COLEC12: variants seen among roughly 807,000 people sequenced by gnomAD.
COLEC12 encodes collectin subfamily member 12.
A neutral mutation model predicts 71.1 loss-of-function variants in COLEC12; 33 were observed. The ratio of observed to expected loss-of-function variants is 0.46; its 90% CI spans 0.35 to 0.62. The LOEUF (loss-of-function observed/expected upper bound fraction) is 0.62, where lower values mean the gene tolerates loss of function less well. Ranked by LOEUF, COLEC12 falls within the 20% of genes least tolerant of loss-of-function variation. The probability of loss-of-function intolerance (pLI) is 0.00; values close to 1 mark genes in which losing one functional copy is unlikely to be tolerated. For synonymous variants in COLEC12, 350 were observed against 353.0 expected (o/e 0.99, Z 0.10); for missense variants, 765 against 916.1 (o/e 0.84, Z 2.13).
intron 2 of COLEC12, among the ~76,000 whole-genome samples, chr18:397,078 C>T (rs1292473338): frequency 6.6e-6 from 1 of 152,322 alleles, no homozygotes; most frequent in East Asian, 1.9e-4. Context: ...TCTACTTTCC[C>T]TGGATCCTTC....
At chr18:371,008 C>T (rs1351447369) in intron 2 of COLEC12, among the ~76,000 whole-genome samples, 1 of 152,216 alleles carries the variant, frequency 6.6e-6, no homozygotes, top group Admixed American at 6.5e-5. Flanking sequence ...ACAATGAAGT[C>T]TGGACTTCAC....
chr18:436,339 C>T (rs780322782), intron 2 of COLEC12, among the ~76,000 whole-genome samples: 3 of 151,964 alleles, frequency 2.0e-5, no homozygotes, highest in African/African-American at 4.8e-5. Context: ...GGTGAAACCC[C>T]GTCTCTAATA....
chr18:357,720 G>A (rs1914659535), intron 2 of COLEC12, among the ~76,000 whole-genome samples, 198 bp from the exon 3 acceptor site: 6 of 152,210 alleles, frequency 3.9e-5, no homozygotes. Flanking sequence ...TGTTATAGCT[G>A]TATTTAATAT....
chr18:366,431 T>G (rs1914857954), intron 2 of COLEC12, among the ~76,000 whole-genome samples: 1 of 152,218 alleles, frequency 6.6e-6, no homozygotes, highest in Non-Finnish European at 1.5e-5. Context: ...ACTAACTAAC[T>G]TCCTTTGTGC....
At chr18:417,770 T>C (rs73356579) in intron 2 of COLEC12, among the ~76,000 whole-genome samples, 2,312 of 152,334 alleles carry the variant, frequency 0.015, 65 homozygotes, top group African/African-American at 0.053. Context: ...GCAACTGATT[T>C]CACATGCATC....
chr18:423,253 A>C (rs531053911), intron 2 of COLEC12, among the ~76,000 whole-genome samples: 172 of 152,338 alleles, frequency 1.1e-3, no homozygotes, highest in African/African-American at 3.9e-3. Context: ...TGGACAAGAG[A>C]GTGAGATCCT....
At chr18:378,015 C>T (rs1915150724) in intron 2 of COLEC12, among the ~76,000 whole-genome samples, 1 of 152,154 alleles carries the variant, frequency 6.6e-6, no homozygotes, top group South Asian at 2.1e-4. Flanking sequence ...TAGAATTGTG[C>T]ACATCTTCAG....
chr18:392,479 T>C (rs1404242839), intron 2 of COLEC12, among the ~76,000 whole-genome samples: 1 of 152,250 alleles, frequency 6.6e-6, no homozygotes, highest in African/African-American at 2.4e-5. Context: ...ATATAGTTTA[T>C]AAATTATACC....
intron 5 of COLEC12, among the ~76,000 whole-genome samples, chr18:342,081 G>T (rs72857599): frequency 0.17 from 26,028 of 151,956 alleles, 2,875 homozygotes; most frequent in Non-Finnish European, 0.24. Context: ...TCTTGAGACG[G>T]AGTTTCACTC....
Position 400,976 on chromosome 18 carries a change from AC to A in COLEC12, c.59-43455del, listed in dbSNP as rs1051114114. ...TATGGTCCAGCTTCCTGAAAAGTAA[AC>A]TTTCCTCCTTCATTTTGTGAAGATG... is the stretch of plus-strand genomic sequence containing the variant. On this transcript the variant is annotated intron_variant, in intron 2 of 9. Coordinates refer to ENST00000400256, the MANE Select transcript of COLEC12 (RefSeq NM_130386.3). Among the ~76,000 whole-genome samples, 62 of 152,220 alleles carry A rather than the reference AC, an allele frequency of 4.1e-4. 1 individual carries two copies. The highest frequency in any genetic ancestry group is 1.2e-3 in the African/African-American group (51 of 41,538).
chr18:340,594 C>T (rs937847290), intron 5 of COLEC12, among the ~76,000 whole-genome samples: 2 of 152,140 alleles, frequency 1.3e-5, no homozygotes, highest in African/African-American at 4.8e-5. Flanking sequence ...ACAAAACTCC[C>T]GGTGCTTAAC....
intron 2 of COLEC12, among the ~76,000 whole-genome samples, chr18:414,955 T>G (rs1915959434): frequency 6.6e-6 from 1 of 152,242 alleles, no homozygotes; most frequent in Non-Finnish European, 1.5e-5. Context: ...AGTTATTTCC[T>G]AATATTTCAC....
At chr18:349,767 G>T (rs758357415) in intron 3 of COLEC12, among the ~76,000 whole-genome samples, 1 of 152,236 alleles carries the variant, frequency 6.6e-6, no homozygotes, top group Non-Finnish European at 1.5e-5. Context: ...TGGAGTCAAA[G>T]GAGATAATTG....
At chr18:352,324 C>A (rs1914539932) in intron 3 of COLEC12, among the ~76,000 whole-genome samples, 1 of 152,166 alleles carries the variant, frequency 6.6e-6, no homozygotes, top group African/African-American at 2.4e-5. Context: ...AAACCACATG[C>A]AGGATCTCAA....
intron 2 of COLEC12, among the ~76,000 whole-genome samples, chr18:466,990 A>C (rs559760069): frequency 1.3e-5 from 2 of 152,258 alleles, no homozygotes; most frequent in African/African-American, 4.8e-5. Flanking sequence ...GTGTACCTAT[A>C]TCCACCCAAG....
chr18:352,806 C>T (rs555933922), intron 3 of COLEC12, among the ~76,000 whole-genome samples: 2 of 152,288 alleles, frequency 1.3e-5, no homozygotes, highest in East Asian at 1.9e-4. Context: ...GGAATACAGT[C>T]GCAGAGCCAT....
chr18:467,722 G>C (rs938491466), intron 2 of COLEC12, among the ~76,000 whole-genome samples: 1 of 152,150 alleles, frequency 6.6e-6, no homozygotes, highest in Admixed American at 6.5e-5. Flanking sequence ...CTGGAACAGA[G>C]TTCGTTCAAA....
At chr18:469,373 G>C (rs991893042) in intron 2 of COLEC12, among the ~76,000 whole-genome samples, 1 of 152,178 alleles carries the variant, frequency 6.6e-6, no homozygotes, top group Admixed American at 6.5e-5. Context: ...CAAATACACC[G>C]CTGTTTGAAA....
rs187928917 is a variant in COLEC12 at position 379,113 on chromosome 18, G to C, written c.59-21591C>G. On this transcript the variant is annotated intron_variant, in intron 2 of 9. Coordinates refer to ENST00000400256, the MANE Select transcript of COLEC12 (RefSeq NM_130386.3). ...TTATCTCCTTTTATTAGGAAAAGAA[G>C]GTTTTGTTTTTGTTTTTTTTTTTCT... 4.0e-3 allele frequency among the ~76,000 whole-genome samples: 602 copies of C among 150,940 alleles called. 6 individuals are homozygous for C. The highest frequency in any genetic ancestry group is 0.012 in the African/African-American group (476 of 41,072).
Sources: allele counts gnomAD v4.1 joint callset (sites outside exome capture counted in the v4.1 genomes callset), GRCh38; gene constraint gnomAD v4.1.1; transcripts MANE v1.5; gene names NCBI Gene and HGNC (gene_info 2026-07-23, HGNC 2026-07-21).